Variants in CAMTA1 observed in about 807,000 individuals in gnomAD.
CAMTA1 encodes calmodulin-binding transcription activator 1.
Under a neutral mutation model 170.9 loss-of-function variants are expected in CAMTA1, and 27 were observed. The ratio of observed to expected loss-of-function variants is 0.16; its 90% CI spans 0.12 to 0.22. The LOEUF is 0.22. Among genes scored for constraint, CAMTA1 ranks in the 10% least tolerant of loss-of-function variants. The pLI, the probability that CAMTA1 is intolerant of heterozygous loss-of-function variation, is 1.00. For synonymous variants in CAMTA1, 833 were observed against 891.5 expected, an observed-to-expected ratio of 0.93 and a Z score of 1.17; for missense variants, 1,619 against 2,217.2, an observed-to-expected ratio of 0.73 and a Z score of 5.42.
At chr1:7,541,899 A>G (rs1294687493) in intron 6 of CAMTA1, among the ~76,000 whole-genome samples, 1 of 152,156 alleles carries the variant, frequency 6.6e-6, no homozygotes, top group Non-Finnish European at 1.5e-5. Flanking sequence ...CCTGGCCAAC[A>G]AGATAAGTCC....
intron 6 of CAMTA1, among the ~76,000 whole-genome samples, chr1:7,579,821 A>G (rs1424944575): frequency 6.6e-6 from 1 of 152,038 alleles, no homozygotes; most frequent in Non-Finnish European, 1.5e-5. Context: ...CGGCTTCCCC[A>G]AGTGCTGGGA....
intron 3 of CAMTA1, among the ~76,000 whole-genome samples, chr1:6,969,382 A>G (rs1367228364): frequency 1.3e-5 from 2 of 152,058 alleles, no homozygotes; most frequent in African/African-American, 4.8e-5. Flanking sequence ...AGGTTGGGGG[A>G]GTGAGCGGCT....
intron 3 of CAMTA1, among the ~76,000 whole-genome samples, chr1:6,907,392 C>G (rs997029990): frequency 1.3e-5 from 2 of 152,220 alleles, no homozygotes; most frequent in Non-Finnish European, 1.5e-5. Flanking sequence ...CCCCGCTGTC[C>G]CGTGTTTCTA....
intron 5 of CAMTA1, among the ~76,000 whole-genome samples, chr1:7,355,884 C>T (rs925861990): frequency 3.3e-5 from 5 of 152,248 alleles, no homozygotes; most frequent in Non-Finnish European, 4.4e-5. Context: ...ATGCTTTTCC[C>T]TCTGAATACT....
chr1:7,623,593 G>T (rs2150787588), intron 6 of CAMTA1, among the ~76,000 whole-genome samples: 1 of 152,326 alleles, frequency 6.6e-6, no homozygotes, highest in African/African-American at 2.4e-5. Context: ...CTGCCTCCTG[G>T]GTTCAAGGGA....
intron 5 of CAMTA1, among the ~76,000 whole-genome samples, chr1:7,427,980 A>G (rs775473235): frequency 1.3e-5 from 2 of 152,180 alleles, no homozygotes; most frequent in Non-Finnish European, 2.9e-5. Context: ...AGACCTGGCA[A>G]GGGAGGCTCC....
intron 21 of CAMTA1, among the ~76,000 whole-genome samples, chr1:7,754,010 A>C (rs2096915132): frequency 6.6e-6 from 1 of 152,188 alleles, no homozygotes. Context: ...CTTAGCAGGG[A>C]CTTAGGACCA....
Position 7,064,381 on chromosome 1 carries a change from C to T in CAMTA1, c.235-26923C>T, listed in dbSNP as rs1409804160. Reference sequence around the variant, plus strand: ...ATTAATTAGCTTCTGAAGATCTCACCTCCAAATACCATAGCATTGGGGGTT... The same window carrying T: ...ATTAATTAGCTTCTGAAGATCTCACTTCCAAATACCATAGCATTGGGGGTT... On this transcript the variant is annotated intron_variant, in intron 3 of 22. Coordinates refer to ENST00000303635, the MANE Select transcript of CAMTA1 (RefSeq NM_015215.4). This position sits in a 1 kb window ranked among gnomAD's most constrained non-coding sequence, Gnocchi z 5.4. 2.0e-5 allele frequency among the ~76,000 whole-genome samples: 3 copies of T among 152,154 alleles called. No homozygotes were observed. The highest frequency in any genetic ancestry group is 7.2e-5 in the African/African-American group (3 of 41,448).
intron 5 of CAMTA1, among the ~76,000 whole-genome samples, chr1:7,402,965 G>T (rs1212076711): frequency 6.6e-6 from 1 of 152,212 alleles, no homozygotes; most frequent in African/African-American, 2.4e-5. Context: ...CAGAGTAAGG[G>T]ATTAGAGAAT....
intron 3 of CAMTA1, among the ~76,000 whole-genome samples, chr1:6,875,259 T>C (rs531592044): frequency 2.6e-5 from 4 of 152,206 alleles, no homozygotes; most frequent in South Asian, 4.1e-4. Flanking sequence ...GGACCTCAGC[T>C]GTACGCATTA....
chr1:7,073,791 A>G (rs185971179), intron 3 of CAMTA1, among the ~76,000 whole-genome samples: 222 of 152,228 alleles, frequency 1.5e-3, no homozygotes, highest in African/African-American at 5.1e-3. Context: ...GGCTTGGGAG[A>G]GAATGGAAGG....
chr1:7,453,674 G>T (rs1444536616), intron 5 of CAMTA1, among the ~76,000 whole-genome samples: 3 of 152,250 alleles, frequency 2.0e-5, no homozygotes, highest in Non-Finnish European at 2.9e-5. Context: ...AAGCCATGTT[G>T]CAGGCAACAG....
At chr1:7,045,394 C>G (rs867754321) in intron 3 of CAMTA1, among the ~76,000 whole-genome samples, 8 of 152,308 alleles carry the variant, frequency 5.3e-5, no homozygotes, top group African/African-American at 7.2e-5. Flanking sequence ...TCATTCTGTC[C>G]TCAGCTGAAA....
chr1:7,242,581 C>G lies in CAMTA1; in HGVS notation c.303-6910C>G, dbSNP rs540448846. On this transcript the variant is annotated intron_variant, in intron 4 of 22. Transcript: ENST00000303635. ...TGCTGTATGATGTGAGGGGTAAACC[C>G]ATTTTGGTATTTTCCATGTGCCTTC... is the stretch of plus-strand genomic sequence containing the variant. Among the ~76,000 whole-genome samples, 26 of 152,136 alleles carry G rather than the reference C, an allele frequency of 1.7e-4. No individual in the cohort carries two copies. In the South Asian group the frequency reaches 2.5e-3, roughly 15 times the overall value.
intron 7 of CAMTA1, among the ~76,000 whole-genome samples, chr1:7,649,285 C>G (rs753489307): frequency 1.3e-5 from 2 of 152,238 alleles, no homozygotes; most frequent in Non-Finnish European, 2.9e-5. Context: ...GACAGCAGCT[C>G]GGTCCCTGAG....
chr1:6,959,210 T>C (rs941526341), intron 3 of CAMTA1, among the ~76,000 whole-genome samples: 1 of 152,204 alleles, frequency 6.6e-6, no homozygotes, highest in Admixed American at 6.5e-5. Flanking sequence ...CACAGATTTG[T>C]ACACAGTGTG....
chr1:7,070,890 T>C (rs1234915191), intron 3 of CAMTA1, among the ~76,000 whole-genome samples: 2 of 152,246 alleles, frequency 1.3e-5, no homozygotes, highest in African/African-American at 4.8e-5. Context: ...GCAGATGTGC[T>C]TTTTCTGGCT....
chr1:7,641,696 A>T lies in CAMTA1; in HGVS notation c.664+1143A>T, dbSNP rs1349938400. ...GACAGCCCTGCCCGCCAAGGGCAGG[A>T]CCACAAGACTGAGCTTCCTCACGTG... On this transcript the variant is annotated intron_variant, in intron 7 of 22. Transcript: ENST00000303635. The surrounding 1 kb of genome is among the most constrained non-coding windows in gnomAD (Gnocchi z 4.5). Among the ~76,000 whole-genome samples, 1 of 152,094 alleles carries T rather than the reference A, an allele frequency of 6.6e-6. No homozygotes were observed. Among genetic ancestry groups the T allele is most frequent in the Non-Finnish European group, 1.5e-5 (1 of 68,004 alleles).
At chr1:7,025,459 T>C (rs909014347) in intron 3 of CAMTA1, among the ~76,000 whole-genome samples, 1 of 152,148 alleles carries the variant, frequency 6.6e-6, no homozygotes, top group African/African-American at 2.4e-5. Flanking sequence ...GACCACCTAT[T>C]TCTGGGGTCC....
Sources: gnomAD v4.1 joint callset for allele counts (sites outside exome capture counted in the v4.1 genomes callset) on GRCh38, gnomAD v4.1.1 for gene constraint, Gnocchi (gnomAD v3.1) non-coding constraint, MANE v1.5 for transcripts, NCBI Gene and HGNC (gene_info 2026-07-23, HGNC 2026-07-21) for gene names.